The following CLUH variants were observed in gnomAD, a reference collection of about 807,000 sequenced individuals.
CLUH encodes clustered mitochondria protein homolog.
CLUH carries 77 observed loss-of-function variants against 139.3 expected under a neutral mutation model. The ratio of observed to expected loss-of-function variants is 0.55; its 90% CI spans 0.46 to 0.67. The LOEUF (loss-of-function observed/expected upper bound fraction) is 0.67, where lower values mean the gene tolerates loss of function less well. CLUH is among the 30% of genes least tolerant of loss of function. The pLI is 0.00. For synonymous variants in CLUH, 999 were observed against 801.6 expected (o/e 1.25, Z -4.16); for missense variants, 1,876 against 1,875.8 (o/e 1.00, Z 0.00).
At chr17:2,693,450 G>A (rs1332381337) in intron 19 of CLUH, among the ~76,000 whole-genome samples, 4 of 152,080 alleles carry the variant, frequency 2.6e-5, no homozygotes, top group African/African-American at 9.7e-5. Flanking sequence ...AGAAAAAACA[G>A]TCCCTTTGCA....
rs2070383616 is a variant in CLUH, at chr17:2,707,503, G to C, written c.101-2939C>G. The C allele has an allele frequency of 1.0e-6, 1 of 985,272 alleles. No individual in the cohort carries two copies. The highest frequency in any genetic ancestry group is 6.1e-5 in the Admixed American group (1 of 16,266). The allele number at this position is 985,272 out of a possible 1,614,324, so 61.0% of individuals were successfully genotyped here. On this transcript the variant is annotated intron_variant, in intron 1 of 25. Transcript: ENST00000651024. This position sits in a 1 kb window ranked among gnomAD's most constrained non-coding sequence, Gnocchi z 7.4. ...CAGGGGGAGCTGCTATCAGCACTCA[G>C]GCCCACCTCCCTATGCCCCCTAGAG... is the stretch of plus-strand genomic sequence containing the variant.
intron 13 of CLUH, 122 bp downstream of exon 13, chr17:2,696,037 C>A (rs2069927519): frequency 2.1e-5 from 17 of 801,656 alleles, no homozygotes; most frequent in Non-Finnish European, 2.8e-5. Context: ...GGGATGCCCA[C>A]TCAGGGAAAG....
chr17:2,692,886 G>A (rs111246591), intron 19 of CLUH, 26 bp from the exon 20 acceptor site: 34,622 of 1,549,978 alleles, frequency 0.022, 468 homozygotes, highest in Non-Finnish European at 0.027. Context: ...GGTGGTTGCC[G>A]CGGCGTGGGA....
chr17:2,708,616 T>TA lies in CLUH; in HGVS notation c.100+2945dup, dbSNP rs574220896. Among the ~76,000 whole-genome samples the TA allele has an allele frequency of 1.7e-4, 25 of 147,978 alleles. No homozygotes were observed. In the South Asian group the frequency reaches 3.0e-3, roughly 18 times the overall value. ...TTACTATCACATTTGGGATTAAGTTTAAAAAAAAAAGGAAAGAAAAAACAG... is the reference window on the plus strand; with the variant it reads ...TTACTATCACATTTGGGATTAAGTTTAAAAAAAAAAAGGAAAGAAAAAACAG... On this transcript the variant is annotated intron_variant, in intron 1 of 25. Coordinates refer to ENST00000651024, the MANE Select transcript of CLUH (RefSeq NM_001366661.1).
chr17:2,698,680 G>A, intron 9 of CLUH, 90 bp from the exon 10 acceptor site: 2 of 1,231,626 alleles, frequency 1.6e-6, no homozygotes. Flanking sequence ...GACCGCGGAG[G>A]CAACCGGGCC....
intron 7 of CLUH, 99 bp from the exon 8 acceptor site, chr17:2,700,924 C>T (rs2151712628): frequency 2.1e-6 from 3 of 1,442,420 alleles, no homozygotes; most frequent in East Asian, 2.4e-5. Context: ...CGGCATCTCC[C>T]ACCCTGAGAC....
At chr17:2,697,091 G>T in intron 10 of CLUH, 149 bp from the exon 11 acceptor site, 1 of 634,098 alleles carries the variant, frequency 1.6e-6, no homozygotes, top group Non-Finnish European at 2.7e-6. Flanking sequence ...GAAAAACCAA[G>T]ATCTCCCAAG....
At position 2,698,472 on chromosome 17, in the gene CLUH, ATGT is replaced by A; in HGVS notation, c.1382_1384del (p.Asn461del). 1 of 1,613,188 alleles carries A rather than the reference ATGT, an allele frequency of 6.2e-7. No homozygotes were observed. Among genetic ancestry groups the A allele is most frequent in the Non-Finnish European group, 8.5e-7 (1 of 1,179,802 alleles). On this transcript the variant is annotated inframe_deletion, in exon 10 of 26. Coordinates refer to ENST00000651024, the MANE Select transcript of CLUH (RefSeq NM_001366661.1). ...GACGTCGAAGCCCAGGCTGAAGAAG[ATGT>A]TGTTCCAGATGAACATCTGCATCTT...
At chr17:2,690,814 G>A (rs767561711) in intron 25 of CLUH, 37 bp from the exon 26 acceptor site, 4 of 1,425,300 alleles carry the variant, frequency 2.8e-6, no homozygotes, top group South Asian at 1.6e-5. Context: ...GGCTCTCAGA[G>A]GAGTCCTGGG....
intron 19 of CLUH, 55 bp from the exon 20 acceptor site, chr17:2,692,915 G>T: frequency 2.0e-6 from 3 of 1,489,356 alleles, no homozygotes; most frequent in Non-Finnish European, 2.7e-6. Flanking sequence ...TGCACCCAGA[G>T]CCCGCCTGGC....
Position 2,694,477 on chromosome 17 carries a change from C to T in CLUH, c.2937+3G>A, listed in dbSNP as rs1301023466. ...CAGCGGGGATGCTGTGAGCCATGCCCACCTGGATCCCTGTTTTCAGCGAGA... is the reference window on the plus strand; with the variant it reads ...CAGCGGGGATGCTGTGAGCCATGCCTACCTGGATCCCTGTTTTCAGCGAGA... On this transcript the variant is annotated splice_donor_region_variant and intron_variant, in intron 17 of 25. Transcript: ENST00000651024. The T allele has an allele frequency of 6.4e-7, 1 of 1,573,526 alleles. No homozygotes were observed. The highest frequency in any genetic ancestry group is 8.6e-7 in the Non-Finnish European group (1 of 1,159,582).
chr17:2,692,980 G>A (rs1274927472), intron 19 of CLUH, 120 bp from the exon 20 acceptor site: 6 of 960,974 alleles, frequency 6.2e-6, no homozygotes, highest in Non-Finnish European at 8.9e-6. Context: ...CTCCGGCTGC[G>A]CCCAGCACAG....
Position 2,707,225 on chromosome 17 carries a change from G to A in CLUH, c.101-2661C>T, listed in dbSNP as rs558811654. The A allele has an allele frequency of 1.2e-5, 12 of 985,428 alleles. No individual in the cohort carries two copies. Among genetic ancestry groups the A allele is most frequent in the Admixed American group, 6.1e-5 (1 of 16,292 alleles). 61.0% of individuals were successfully genotyped at this position (985,428 alleles called of 1,614,324 possible). On this transcript the variant is annotated intron_variant, in intron 1 of 25. Coordinates refer to ENST00000651024, the MANE Select transcript of CLUH (RefSeq NM_001366661.1). The surrounding 1 kb of genome is among the most constrained non-coding windows in gnomAD (Gnocchi z 7.4). The stretch of plus-strand genomic sequence containing the variant: ...TCGGCTCTGGAGTCTCAGGATGGCC[G>A]TGGCAGCAAGGCAGCCAGCTCTCCA...
In CLUH at chr17:2,707,462, G is replaced by A. The variant is rs1297643356; in HGVS notation, c.101-2898C>T. On this transcript the variant is annotated intron_variant, in intron 1 of 25. Transcript: ENST00000651024. The surrounding 1 kb of genome is among the most constrained non-coding windows in gnomAD (Gnocchi z 7.4). ...GGACGGCTGTGGGCCAGGAGAACCC[G>A]GTGGCCCCAGGACCCCAGGGGGAGC... is the stretch of plus-strand genomic sequence containing the variant. 3.0e-6 allele frequency: 3 copies of A among 985,410 alleles called. No homozygotes were observed. The highest frequency in any genetic ancestry group is 5.2e-4 in the Middle Eastern group (1 of 1,914). 61.0% of individuals were successfully genotyped at this position (985,410 alleles called of 1,614,324 possible). A position where few individuals can be genotyped will look rare whatever the true frequency, so the allele number is the denominator to read the frequency against.
intron 19 of CLUH, 76 bp downstream of exon 19, chr17:2,693,824 T>G: frequency 1.3e-6 from 2 of 1,514,730 alleles, no homozygotes; most frequent in Non-Finnish European, 1.8e-6. Context: ...CTCCACCCAC[T>G]CCTCCGTCAG....
Position 2,704,715 on chromosome 17 carries a change from A to G in CLUH, c.101-151T>C, listed in dbSNP as rs753039848. ...CACGGTCGCGCCTCGCCCTCCGTGC[A>G]CCTGCAGGCCACTTCCACACCCAGC... On this transcript the variant is annotated intron_variant, in intron 1 of 25. Transcript: ENST00000651024. This position sits in a 1 kb window ranked among gnomAD's most constrained non-coding sequence, Gnocchi z 5.7. 5.7e-4 allele frequency among the ~76,000 whole-genome samples: 86 copies of G among 151,886 alleles called. No homozygotes were observed. Among genetic ancestry groups the G allele is most frequent in the Middle Eastern group, 3.4e-3 (1 of 294 alleles).
At chr17:2,697,795 T>G in intron 10 of CLUH, 101 bp downstream of exon 10, 1 of 1,126,312 alleles carries the variant, frequency 8.9e-7, no homozygotes, top group South Asian at 1.7e-5. Context: ...TTCTTCACTC[T>G]CCAGCGCTTC....
intron 1 of CLUH, among the ~76,000 whole-genome samples, chr17:2,705,900 G>A (rs1044426082): frequency 6.6e-6 from 1 of 152,282 alleles, no homozygotes; most frequent in East Asian, 1.9e-4. Flanking sequence ...AGGAGCCAAG[G>A]ATCGCCTCTC....
chr17:2,710,104 C>A (rs1183598740), intron 1 of CLUH, among the ~76,000 whole-genome samples: 1 of 152,240 alleles, frequency 6.6e-6, no homozygotes, highest in Non-Finnish European at 1.5e-5. Context: ...CAGGCCACGG[C>A]AGCCTTGGCT....
Sources: gnomAD v4.1 joint callset for allele counts (sites outside exome capture counted in the v4.1 genomes callset) on GRCh38, gnomAD v4.1.1 for gene constraint, Gnocchi (gnomAD v3.1) non-coding constraint, MANE v1.5 for transcripts, NCBI Gene and HGNC (gene_info 2026-07-23, HGNC 2026-07-21) for gene names.